ANO3: variants seen among roughly 807,000 people sequenced by gnomAD.
ANO3 encodes anoctamin-3.
Under a neutral mutation model 144.8 loss-of-function variants are expected in ANO3, and 99 were observed. The observed-to-expected ratio is 0.68, with a 90% CI of 0.58 to 0.81. ANO3 has a LOEUF of 0.81. Among genes scored for constraint, ANO3 ranks in the 30% least tolerant of loss-of-function variants. The pLI, the probability that ANO3 is intolerant of heterozygous loss-of-function variation, is 0.00. For synonymous variants in ANO3, 414 were observed against 392.6 expected, an observed-to-expected ratio of 1.05 and a Z score of -0.64; for missense variants, 905 against 1,202.2, an observed-to-expected ratio of 0.75 and a Z score of 3.66.
At chr11:26,591,257 C>T (rs530470107) in intron 14 of ANO3, among the ~76,000 whole-genome samples, 13 of 152,210 alleles carry the variant, frequency 8.5e-5, no homozygotes, top group East Asian at 3.9e-4. Flanking sequence ...GGTTGGCCAA[C>T]GACCGCTCTT....
intron 1 of ANO3, among the ~76,000 whole-genome samples, chr11:26,224,495 T>C (rs1466188789): frequency 1.3e-5 from 2 of 152,262 alleles, no homozygotes; most frequent in East Asian, 1.9e-4. Context: ...TTTGTGCTTC[T>C]CTGTTCACCA....
intron 1 of ANO3, among the ~76,000 whole-genome samples, chr11:26,347,329 C>T (rs533934960): frequency 5.9e-5 from 9 of 152,298 alleles, no homozygotes; most frequent in Non-Finnish European, 1.2e-4. Context: ...TTGAAGTTAA[C>T]GTTTCTTGAT....
intron 12 of ANO3, 25 bp from the exon 13 acceptor site, chr11:26,553,224 G>C: frequency 1.7e-6 from 2 of 1,172,126 alleles, no homozygotes; most frequent in Non-Finnish European, 2.4e-6. Context: ...GTTTTGTTTT[G>C]TTTTTGTTTT....
At chr11:26,366,626 G>A (rs11828427) in intron 1 of ANO3, among the ~76,000 whole-genome samples, 4 of 151,726 alleles carry the variant, frequency 2.6e-5, no homozygotes, top group South Asian at 4.2e-4. Flanking sequence ...TCTCCACATC[G>A]TCTCCAGCAC....
chr11:26,311,001 G>A (rs1164435662), intron 1 of ANO3, among the ~76,000 whole-genome samples: 1 of 151,866 alleles, frequency 6.6e-6, no homozygotes, highest in Non-Finnish European at 1.5e-5. Flanking sequence ...CCTCTAAATG[G>A]CTTTCTCATA....
At chr11:26,541,759 A>C (rs1849649942) in intron 10 of ANO3, among the ~76,000 whole-genome samples, 188 bp from the exon 11 acceptor site, 1 of 152,186 alleles carries the variant, frequency 6.6e-6, no homozygotes, top group Non-Finnish European at 1.5e-5. Context: ...TTTAATAACT[A>C]TCGGACTATT....
At position 26,660,384 on chromosome 11, in the gene ANO3, G is replaced by C. The variant is rs1267351719; in HGVS notation, c.2886G>C (p.Leu962=). ...LVQEMMYEAE[L]EHLQQQRRKS... is the part of the protein sequence containing the mutation. ...AAGAAATGATGTATGAGGCTGAACT[G>C]GAACATTTGCAACAACAACGGAGAA... The change falls in exon 27 of 27, where the codon CTG becomes CTC. Residue 962 remains leucine, a synonymous_variant. Transcript: ENST00000256737. The C allele has an allele frequency of 5.0e-6, 8 of 1,612,820 alleles. No homozygotes were observed. The highest frequency in any genetic ancestry group is 1.3e-5 in the African/African-American group (1 of 74,942).
At chr11:26,398,827 G>T (rs1857080037) in intron 1 of ANO3, among the ~76,000 whole-genome samples, 1 of 151,992 alleles carries the variant, frequency 6.6e-6, no homozygotes, top group Admixed American at 6.6e-5. Context: ...CCCAGGGAAG[G>T]AAAAATGAGA....
chr11:26,490,346 T>G (rs2134105168), intron 4 of ANO3, among the ~76,000 whole-genome samples: 1 of 152,312 alleles, frequency 6.6e-6, no homozygotes, highest in Admixed American at 6.5e-5. Context: ...CCAGTTTTGG[T>G]GTGTCTTTAT....
intron 1 of ANO3, among the ~76,000 whole-genome samples, chr11:26,245,192 A>G (rs1852762685): frequency 6.6e-6 from 1 of 152,188 alleles, no homozygotes; most frequent in African/African-American, 2.4e-5. Context: ...ACATTTTATC[A>G]GGAGGCACAT....
rs68138224 is a variant in ANO3 at position 26,539,133 on chromosome 11, T to TACAC, written c.1032+1710_1032+1713dup. ...GGAAAAATAAAGGGAACAAGAGAAATACACACACACACACACACACACACA... is the reference window on the plus strand; with the variant it reads ...GGAAAAATAAAGGGAACAAGAGAAATACACACACACACACACACACACACACACA... On this transcript the variant is annotated intron_variant, in intron 10 of 26. Transcript: ENST00000256737. Among the ~76,000 whole-genome samples, 248 of 149,294 alleles carry TACAC rather than the reference T, an allele frequency of 1.7e-3. 1 individual carries two copies. The highest frequency in any genetic ancestry group is 4.7e-3 in the Admixed American group (70 of 14,972).
intron 20 of ANO3, among the ~76,000 whole-genome samples, chr11:26,638,899 G>A (rs571828723): frequency 2.0e-5 from 3 of 152,262 alleles, no homozygotes; most frequent in South Asian, 4.1e-4. Context: ...CAGATAGTAA[G>A]TACTCACTAA....
intron 1 of ANO3, among the ~76,000 whole-genome samples, chr11:26,282,202 T>C (rs1214122276): frequency 1.3e-5 from 2 of 152,196 alleles, no homozygotes; most frequent in African/African-American, 2.4e-5. Context: ...ATGCTGTTCA[T>C]ATCATGGAGT....
At chr11:26,531,172 C>T (rs1849361478) in intron 7 of ANO3, 33 bp from the exon 8 acceptor site, 4 of 1,611,920 alleles carry the variant, frequency 2.5e-6, no homozygotes, top group Admixed American at 1.7e-5. Context: ...GGAATACAAC[C>T]TAATCTAGTT....
intron 1 of ANO3, among the ~76,000 whole-genome samples, chr11:26,252,357 C>T (rs1852947930): frequency 6.6e-6 from 1 of 152,028 alleles, no homozygotes; most frequent in Admixed American, 6.5e-5. Context: ...TTTCTTTTTG[C>T]TCTCCAGGCA....
At chr11:26,217,200 C>T (rs960340930) in intron 1 of ANO3, among the ~76,000 whole-genome samples, 1 of 151,962 alleles carries the variant, frequency 6.6e-6, no homozygotes, top group African/African-American at 2.4e-5. Context: ...TTGTATTTTA[C>T]ATTTACGTCT....
At chr11:26,640,114 A>G (rs11029659) in intron 21 of ANO3, among the ~76,000 whole-genome samples, 57,425 of 151,998 alleles carry the variant, frequency 0.38, 11,725 homozygotes, top group South Asian at 0.48. Flanking sequence ...GCTATAAAGT[A>G]TTGTGTTAAT....
chr11:26,516,965 A>T (rs752127573), intron 6 of ANO3, 38 bp downstream of exon 6: 5 of 1,258,986 alleles, frequency 4.0e-6, no homozygotes, highest in Non-Finnish European at 5.7e-6. Flanking sequence ...CTCAATATAT[A>T]TTAAAATGAG....
chr11:26,228,094 G>A (rs565533817), intron 1 of ANO3, among the ~76,000 whole-genome samples: 1 of 152,166 alleles, frequency 6.6e-6, no homozygotes, highest in East Asian at 1.9e-4. Flanking sequence ...CAGGTGTTTG[G>A]ACCTGATTAT....
Sources: allele counts gnomAD v4.1 joint callset (sites outside exome capture counted in the v4.1 genomes callset), GRCh38; gene constraint gnomAD v4.1.1; transcripts MANE v1.5; gene names NCBI Gene and HGNC (gene_info 2026-07-23, HGNC 2026-07-21).